Variants in MAPRE2 observed in about 807,000 individuals in gnomAD.
The protein encoded by MAPRE2 is microtubule-associated protein RP/EB family member 2.
Under a neutral mutation model 43.2 loss-of-function variants are expected in MAPRE2, and 13 were observed. The observed-to-expected ratio is 0.30, with a 90% CI of 0.20 to 0.48. The LOEUF (loss-of-function observed/expected upper bound fraction) is 0.48. Ranked by LOEUF, MAPRE2 falls within the 20% of genes least tolerant of loss-of-function variation. The pLI is 0.99. For synonymous variants in MAPRE2, 135 were observed against 148.8 expected, an observed-to-expected ratio of 0.91 and a Z score of 0.68; for missense variants, 161 against 400.2, an observed-to-expected ratio of 0.40 and a Z score of 5.10.
chr18:35,036,464 C>T (rs1172950323), upstream of MAPRE2, among the ~76,000 whole-genome samples: 1 of 152,098 alleles, frequency 6.6e-6, no homozygotes. Flanking sequence ...TAAGATCAAG[C>T]TCCTTAGCTT....
At chr18:35,041,340 G>T, upstream of MAPRE2, 1 of 1,436,278 alleles carries the variant, frequency 7.0e-7, no homozygotes, top group Admixed American at 2.8e-5. Context: ...TGACCAGGGT[G>T]CTGCTGCCGG....
intron 4 of MAPRE2, among the ~76,000 whole-genome samples, chr18:35,107,652 A>G (rs1908968683): frequency 6.6e-6 from 1 of 152,164 alleles, no homozygotes; most frequent in Non-Finnish European, 1.5e-5. Context: ...AGCGGACCAC[A>G]TGCACTTGAA....
At chr18:35,034,160 C>G (rs1000746145) in intron 2 of MAPRE2, among the ~76,000 whole-genome samples, 1 of 151,948 alleles carries the variant, frequency 6.6e-6, no homozygotes, top group East Asian at 1.9e-4. Flanking sequence ...GGTACCAAAA[C>G]AGAGATATAG....
intron 1 of MAPRE2, among the ~76,000 whole-genome samples, chr18:34,986,489 C>T (rs187729192): frequency 3.3e-5 from 5 of 152,132 alleles, no homozygotes; most frequent in African/African-American, 4.8e-5. Flanking sequence ...CCGGGAAAGA[C>T]GCTATTGATA....
intron 1 of MAPRE2, among the ~76,000 whole-genome samples, chr18:34,978,819 G>T (rs1288765549): frequency 6.6e-6 from 1 of 152,152 alleles, no homozygotes; most frequent in Non-Finnish European, 1.5e-5. Context: ...CAAAGCACTG[G>T]TTCTCAAATT....
chr18:35,055,989 G>A (rs1347360208), intron 1 of MAPRE2, among the ~76,000 whole-genome samples: 3 of 151,284 alleles, frequency 2.0e-5, no homozygotes, highest in East Asian at 1.9e-4. Flanking sequence ...AGGAAGATAT[G>A]AATATGAGTG....
chr18:35,117,347 A>C (rs1909460191), intron 4 of MAPRE2, among the ~76,000 whole-genome samples: 1 of 152,182 alleles, frequency 6.6e-6, no homozygotes, highest in Non-Finnish European at 1.5e-5. Flanking sequence ...GATGGTGTTA[A>C]TGGAGCACAA....
chr18:35,101,891 T>C (rs1908697097), intron 3 of MAPRE2, 55 bp from the exon 4 acceptor site: 2 of 1,268,790 alleles, frequency 1.6e-6, no homozygotes, highest in African/African-American at 3.0e-5. Flanking sequence ...TCCTTTCTTT[T>C]GGGTATATAC....
At chr18:35,134,774 T>A (rs1393181154) in intron 6 of MAPRE2, among the ~76,000 whole-genome samples, 1 of 152,248 alleles carries the variant, frequency 6.6e-6, no homozygotes, top group Non-Finnish European at 1.5e-5. Flanking sequence ...AGTTGTGGCC[T>A]CTTTTTCGGG....
chr18:35,136,151 A>G (rs536383855), intron 6 of MAPRE2, among the ~76,000 whole-genome samples: 242 of 152,324 alleles, frequency 1.6e-3, no homozygotes, highest in African/African-American at 5.6e-3. Context: ...GTAGAGACCT[A>G]ATGGAAGTTT....
upstream of MAPRE2, among the ~76,000 whole-genome samples, chr18:35,036,665 C>G (rs1234205004): frequency 1.3e-5 from 2 of 152,150 alleles, no homozygotes; most frequent in Non-Finnish European, 2.9e-5. Flanking sequence ...ACAATATAGC[C>G]TAATGGATAA....
intron 2 of MAPRE2, among the ~76,000 whole-genome samples, chr18:35,035,618 C>A (rs998056328): frequency 3.3e-5 from 5 of 151,444 alleles, no homozygotes; most frequent in African/African-American, 1.2e-4. Flanking sequence ...TTAAAAATAT[C>A]TTTAAGAACA....
intron 2 of MAPRE2, among the ~76,000 whole-genome samples, chr18:35,015,378 C>T (rs1320766417): frequency 6.6e-6 from 1 of 152,040 alleles, no homozygotes; most frequent in Non-Finnish European, 1.5e-5. Context: ...TACGGTGTAC[C>T]AGATACTCTG....
At chr18:35,051,126 A>G (rs1055151373) in intron 1 of MAPRE2, among the ~76,000 whole-genome samples, 2 of 152,088 alleles carry the variant, frequency 1.3e-5, no homozygotes, top group Non-Finnish European at 2.9e-5. Flanking sequence ...TGGGGTGAAC[A>G]TGCCAGCCTC....
chr18:35,081,493 G>C (rs1238193934), intron 2 of MAPRE2, among the ~76,000 whole-genome samples: 3 of 152,178 alleles, frequency 2.0e-5, no homozygotes, highest in Non-Finnish European at 4.4e-5. Flanking sequence ...GCCACACCTG[G>C]CCTTCTGGGC....
rs1450524683 is a variant in MAPRE2, at chr18:34,980,023, C to CTTTTTT, written c.-70+2946_-70+2951dup. ...TTTCTTTTCTTTTCTTTTTCTTTTT[C>CTTTTTT]TTTTTTTCTTTTTTTTTTTTTTTTT... On this transcript the variant is annotated intron_variant, in intron 1 of 7. Transcript: ENST00000413393. 5.2e-4 allele frequency among the ~76,000 whole-genome samples: 69 copies of CTTTTTT among 132,490 alleles called. 3 individuals carry two copies. Among genetic ancestry groups the CTTTTTT allele is most frequent in the African/African-American group, 1.9e-3 (65 of 34,086 alleles). 86.9% of individuals were successfully genotyped at this position (132,490 alleles called of 152,430 possible).
chr18:35,030,003 G>A (rs1433252721), intron 2 of MAPRE2, among the ~76,000 whole-genome samples: 1 of 152,196 alleles, frequency 6.6e-6, no homozygotes, highest in Non-Finnish European at 1.5e-5. Flanking sequence ...CAAAGAAATG[G>A]ACATTGCTAG....
At chr18:35,041,250 G>A (rs1052143200), upstream of MAPRE2, 9 of 1,220,286 alleles carry the variant, frequency 7.4e-6, no homozygotes, top group African/African-American at 1.4e-4. Flanking sequence ...TGGAGCTGCT[G>A]GCGTGGTCAC....
intron 2 of MAPRE2, among the ~76,000 whole-genome samples, chr18:35,030,573 A>AAAG (rs2097047365): frequency 6.6e-6 from 1 of 152,210 alleles, no homozygotes; most frequent in Admixed American, 6.6e-5. Context: ...TTGTGAGAAT[A>AAAG]AAGTACCTCC....
Sources: gnomAD v4.1 joint callset for allele counts (sites outside exome capture counted in the v4.1 genomes callset) on GRCh38, gnomAD v4.1.1 for gene constraint, MANE v1.5 for transcripts, NCBI Gene and HGNC (gene_info 2026-07-23, HGNC 2026-07-21) for gene names.